The following ERBB4 variants were observed in gnomAD, a reference collection of about 807,000 sequenced individuals.
The protein encoded by ERBB4 is receptor tyrosine-protein kinase erbB-4.
ERBB4 carries 42 observed loss-of-function variants against 158.0 expected under a neutral mutation model. The ratio of observed to expected loss-of-function variants is 0.27; its 90% CI spans 0.21 to 0.34. The LOEUF (loss-of-function observed/expected upper bound fraction) is 0.34, where lower values mean the gene tolerates loss of function less well. Among genes scored for constraint, ERBB4 ranks in the 10% least tolerant of loss-of-function variants. The pLI, the probability that ERBB4 is intolerant of heterozygous loss-of-function variation, is 1.00. For synonymous variants in ERBB4, 583 were observed against 558.7 expected (o/e 1.04, Z -0.61); for missense variants, 1,333 against 1,624.1 (o/e 0.82, Z 3.08).
At chr2:211,602,949 C>T (rs1243668583) in intron 19 of ERBB4, among the ~76,000 whole-genome samples, 1 of 152,128 alleles carries the variant, frequency 6.6e-6, no homozygotes, top group African/African-American at 2.4e-5. Flanking sequence ...ATTTCTCTGT[C>T]CCGGCTCAGT....
intron 1 of ERBB4, among the ~76,000 whole-genome samples, chr2:212,201,515 G>T (rs1195769582): frequency 4.6e-5 from 7 of 152,012 alleles, no homozygotes; most frequent in Admixed American, 3.3e-4. Flanking sequence ...TTTCAGAAAT[G>T]ATGAGAAAAA....
chr2:212,396,995 A>G (rs2091047374), intron 1 of ERBB4, among the ~76,000 whole-genome samples: 1 of 152,214 alleles, frequency 6.6e-6, no homozygotes, highest in South Asian at 2.1e-4. Context: ...TTCCATTTTA[A>G]TGACTGTATA....
chr2:212,330,925 T>C (rs1363724209), intron 1 of ERBB4, among the ~76,000 whole-genome samples: 2 of 151,064 alleles, frequency 1.3e-5, no homozygotes, highest in Non-Finnish European at 3.0e-5. Context: ...TGAGGTTTAT[T>C]AATTTGCCTG....
chr2:211,418,238 GTAAT>G (rs934741725), intron 25 of ERBB4, among the ~76,000 whole-genome samples: 11 of 152,196 alleles, frequency 7.2e-5, no homozygotes, highest in African/African-American at 2.6e-4. Context: ...TAAAATGGAA[GTAAT>G]TTGTTTTCTA....
intron 3 of ERBB4, among the ~76,000 whole-genome samples, chr2:211,939,105 T>C (rs1333323203): frequency 6.6e-6 from 1 of 152,206 alleles, no homozygotes; most frequent in Non-Finnish European, 1.5e-5. Context: ...TATTATATAA[T>C]GATCAAAACA....
At chr2:211,494,810 G>A (rs2065429694) in intron 20 of ERBB4, among the ~76,000 whole-genome samples, 1 of 152,104 alleles carries the variant, frequency 6.6e-6, no homozygotes, top group Non-Finnish European at 1.5e-5. Context: ...CTGTTCATCT[G>A]CCAGTCATCT....
At chr2:211,484,268 A>G (rs984116598) in intron 20 of ERBB4, among the ~76,000 whole-genome samples, 2 of 152,218 alleles carry the variant, frequency 1.3e-5, no homozygotes, top group African/African-American at 4.8e-5. Context: ...GAGAATAGAA[A>G]ACAAATAGCA....
intron 2 of ERBB4, among the ~76,000 whole-genome samples, chr2:212,089,414 G>A (rs1208652591): frequency 6.6e-6 from 1 of 152,122 alleles, no homozygotes; most frequent in African/African-American, 2.4e-5. Flanking sequence ...ATTTGGATTT[G>A]TGTCCCCACT....
chr2:212,307,716 T>C lies in ERBB4; in HGVS notation c.83-182813A>G, dbSNP rs1194760953. 2.6e-5 allele frequency among the ~76,000 whole-genome samples: 4 copies of C among 151,390 alleles called. No individual in the cohort carries two copies. In the South Asian group the frequency reaches 6.2e-4, roughly 24 times the overall value. ...TTACTATCACATACACCATATGAGATTGAGATCACAGTCTAGTGTTTAAAA... is the reference window on the plus strand; with the variant it reads ...TTACTATCACATACACCATATGAGACTGAGATCACAGTCTAGTGTTTAAAA... On this transcript the variant is annotated intron_variant, in intron 1 of 27. Coordinates refer to ENST00000342788, the MANE Select transcript of ERBB4 (RefSeq NM_005235.3).
At chr2:211,759,795 T>C (rs1314434020) in intron 4 of ERBB4, among the ~76,000 whole-genome samples, 2 of 143,558 alleles carry the variant, frequency 1.4e-5, no homozygotes, top group African/African-American at 2.6e-5. Context: ...TTGGTGTTTT[T>C]CATTTTCTAG....
intron 3 of ERBB4, among the ~76,000 whole-genome samples, chr2:211,864,956 A>G (rs1460653046): frequency 6.6e-6 from 1 of 152,130 alleles, no homozygotes; most frequent in Non-Finnish European, 1.5e-5. Context: ...GGTTGCATTG[A>G]GCCAAGATTG....
intron 1 of ERBB4, among the ~76,000 whole-genome samples, chr2:212,384,920 TAC>T (rs547762352): frequency 0.059 from 7,256 of 123,400 alleles, 206 homozygotes; most frequent in South Asian, 0.097. Flanking sequence ...TATATATATA[TAC>T]ACACACACAC....
Position 212,538,440 on chromosome 2 carries a change from G to T in ERBB4, c.82+9C>A. 1 of 1,613,666 alleles carries T rather than the reference G, an allele frequency of 6.2e-7. No homozygotes were observed. The highest frequency in any genetic ancestry group is 8.5e-7 in the Non-Finnish European group (1 of 1,179,656). On this transcript the variant is annotated intron_variant, in intron 1 of 27. Transcript: ENST00000342788. ...AGGTTCGGCGACCGGAGTGCCAGAA[G>T]GAACCCACCTGACTGAGAATCGCTG...
intron 1 of ERBB4, among the ~76,000 whole-genome samples, chr2:212,383,689 C>G (rs1185256420): frequency 2.6e-5 from 4 of 151,562 alleles, no homozygotes; most frequent in Admixed American, 6.6e-5. Context: ...ATGATGAGAA[C>G]AAAACTGAAG....
intron 3 of ERBB4, among the ~76,000 whole-genome samples, chr2:211,829,708 T>G (rs1286069284): frequency 2.6e-5 from 4 of 152,102 alleles, no homozygotes; most frequent in Admixed American, 2.6e-4. Flanking sequence ...ACACCTTGAG[T>G]TTCCTTAATA....
At chr2:211,413,142 T>A (rs940759656) in intron 25 of ERBB4, among the ~76,000 whole-genome samples, 12 of 150,974 alleles carry the variant, frequency 7.9e-5, no homozygotes, top group African/African-American at 2.9e-4. Context: ...CACAAAAAAA[T>A]GTTTTTTTAA....
intron 2 of ERBB4, among the ~76,000 whole-genome samples, chr2:212,063,948 C>T (rs2125429438): frequency 6.6e-6 from 1 of 152,178 alleles, no homozygotes; most frequent in East Asian, 1.9e-4. Flanking sequence ...CATTCTGGTC[C>T]CCTCTTTGCA....
At position 211,702,034 on chromosome 2, in the gene ERBB4, C is replaced by T; in HGVS notation, c.1422G>A (p.Trp474Ter). The change falls in exon 12 of 28, where the codon TGG (tryptophan) becomes TGA (stop). Residue 474 changes from tryptophan (W) to a stop codon, truncating the protein, a stop_gained. Transcript: ENST00000342788. LOFTEE classifies it high-confidence loss of function. ...SNLCYYHTIN[W>*]TTLFSTINQR... ...GGTTGATTGTGCTGAAGAGTGTTGT[C>T]CAGTTAATGGTATGATAATAACACA... 1 of 1,613,866 alleles carries T rather than the reference C, an allele frequency of 6.2e-7. No homozygotes were observed. The highest frequency in any genetic ancestry group is 8.5e-7 in the Non-Finnish European group (1 of 1,179,878).
At chr2:211,567,152 C>T (rs534188378) in intron 19 of ERBB4, among the ~76,000 whole-genome samples, 1 of 152,292 alleles carries the variant, frequency 6.6e-6, no homozygotes, top group East Asian at 1.9e-4. Context: ...AACCAAAACT[C>T]AATGAGATTA....
Sources: gnomAD v4.1 joint callset for allele counts (sites outside exome capture counted in the v4.1 genomes callset) on GRCh38, gnomAD v4.1.1 for gene constraint, MANE v1.5 for transcripts, NCBI Gene and HGNC (gene_info 2026-07-23, HGNC 2026-07-21) for gene names.